UBE2E2: variants seen among roughly 807,000 people sequenced by gnomAD.
UBE2E2 encodes the protein ubiquitin-conjugating enzyme E2 E2.
Under a neutral mutation model 24.7 loss-of-function variants are expected in UBE2E2, and 6 were observed. The ratio of observed to expected loss-of-function variants is 0.24; its 90% CI spans 0.13 to 0.48. The LOEUF (loss-of-function observed/expected upper bound fraction) is 0.48. Among genes scored for constraint, UBE2E2 ranks in the 20% least tolerant of loss-of-function variants. The pLI is 0.99. For synonymous variants in UBE2E2, 104 were observed against 83.6 expected, an observed-to-expected ratio of 1.24 and a Z score of -1.33; for missense variants, 169 against 245.0, an observed-to-expected ratio of 0.69 and a Z score of 2.07.
chr3:23,457,311 C>T (rs533834091), intron 3 of UBE2E2, among the ~76,000 whole-genome samples: 2 of 152,248 alleles, frequency 1.3e-5, no homozygotes, highest in African/African-American at 4.8e-5. Context: ...AAGCTTCTTC[C>T]TGGAAGTTTT....
rs550294095 is a variant in UBE2E2, at chr3:23,326,780, C to T, written c.227+109468C>T. ...TGTTGGTGCGCTGCACCCATTAACT[C>T]GTCATTTACATTAGGTATATCTCCT... is the stretch of plus-strand genomic sequence containing the variant. On this transcript the variant is annotated intron_variant, in intron 3 of 5. Transcript: ENST00000396703. Among the ~76,000 whole-genome samples, 30 of 152,310 alleles carry T rather than the reference C, an allele frequency of 2.0e-4. No homozygotes were observed. The South Asian group carries it at 6.2e-3, about 32-fold the overall frequency.
chr3:23,540,994 TTAAAA>T (rs1695385105), intron 5 of UBE2E2, among the ~76,000 whole-genome samples: 1 of 152,224 alleles, frequency 6.6e-6, no homozygotes, highest in Admixed American at 6.5e-5. Flanking sequence ...ATATTTGAAA[TTAAAA>T]TAATGCATTG....
intron 3 of UBE2E2, among the ~76,000 whole-genome samples, chr3:23,290,494 A>G (rs1356803647): frequency 6.6e-6 from 1 of 151,530 alleles, no homozygotes; most frequent in African/African-American, 2.4e-5. Flanking sequence ...TTTAATTTTT[A>G]TTTTTTTGAA....
At chr3:23,396,527 A>C (rs1357526299) in intron 3 of UBE2E2, among the ~76,000 whole-genome samples, 1 of 151,958 alleles carries the variant, frequency 6.6e-6, no homozygotes, top group African/African-American at 2.4e-5. Flanking sequence ...AAACCCCCTG[A>C]GGTCTCATGA....
intron 3 of UBE2E2, among the ~76,000 whole-genome samples, chr3:23,349,381 A>G (rs1344768537): frequency 6.6e-6 from 1 of 152,204 alleles, no homozygotes; most frequent in African/African-American, 2.4e-5. Flanking sequence ...GACAGTGGGC[A>G]CAGGACAGTG....
intron 5 of UBE2E2, 129 bp downstream of exon 5, chr3:23,532,830 A>G: frequency 1.1e-6 from 1 of 881,818 alleles, no homozygotes; most frequent in Non-Finnish European, 1.6e-6. Context: ...TTAAATTTTC[A>G]TAGTATGTAA....
chr3:23,270,390 A>C (rs1389287463), intron 3 of UBE2E2, among the ~76,000 whole-genome samples: 1 of 151,488 alleles, frequency 6.6e-6, no homozygotes, highest in African/African-American at 2.4e-5. Flanking sequence ...CCGTTCCTGC[A>C]CTCTTTTGTA....
At chr3:23,533,718 A>G (rs1403776313) in intron 5 of UBE2E2, among the ~76,000 whole-genome samples, 1 of 139,604 alleles carries the variant, frequency 7.2e-6, no homozygotes, top group African/African-American at 2.8e-5. Context: ...CGCCTCCTGG[A>G]TTCAAGCGAT....
chr3:23,493,843 A>C (rs925416122), intron 3 of UBE2E2, among the ~76,000 whole-genome samples: 9 of 152,204 alleles, frequency 5.9e-5, no homozygotes, highest in Non-Finnish European at 8.8e-5. Context: ...CAAAGCAGTC[A>C]ACCTCTTTGA....
chr3:23,350,402 T>G (rs574691244), intron 3 of UBE2E2, among the ~76,000 whole-genome samples: 1 of 152,186 alleles, frequency 6.6e-6, no homozygotes, highest in Admixed American at 6.5e-5. Context: ...CTTTGATGAG[T>G]TGAGAGAAGA....
intron 3 of UBE2E2, among the ~76,000 whole-genome samples, chr3:23,403,351 CTTGTG>C (rs1697276676): frequency 1.3e-5 from 2 of 152,302 alleles, no homozygotes; most frequent in Admixed American, 1.3e-4. Context: ...AAAATCAAAC[CTTGTG>C]TTGTGTTTAG....
chr3:23,222,493 T>C (rs1696682063), intron 3 of UBE2E2, among the ~76,000 whole-genome samples: 1 of 152,148 alleles, frequency 6.6e-6, no homozygotes, highest in Admixed American at 6.5e-5. Flanking sequence ...ACTGTTCTTG[T>C]GGTAATGAAT....
chr3:23,444,726 A>G (rs138459912), intron 3 of UBE2E2, among the ~76,000 whole-genome samples: 23 of 152,228 alleles, frequency 1.5e-4, no homozygotes, highest in East Asian at 1.4e-3. Flanking sequence ...CTGCCTACCT[A>G]TTGGGCCAGC....
chr3:23,314,587 C>A (rs989629588), intron 3 of UBE2E2, among the ~76,000 whole-genome samples: 13 of 152,230 alleles, frequency 8.5e-5, no homozygotes, highest in African/African-American at 2.9e-4. Context: ...CTCATTAATA[C>A]CCTTTTCTTT....
At chr3:23,361,053 A>G (rs1226806079) in intron 3 of UBE2E2, among the ~76,000 whole-genome samples, 1 of 152,202 alleles carries the variant, frequency 6.6e-6, no homozygotes, top group African/African-American at 2.4e-5. Flanking sequence ...AAGATATACA[A>G]ACAGCCAACA....
At chr3:23,450,667 T>C (rs1000932975) in intron 3 of UBE2E2, among the ~76,000 whole-genome samples, 1 of 152,182 alleles carries the variant, frequency 6.6e-6, no homozygotes, top group Non-Finnish European at 1.5e-5. Flanking sequence ...AATTTTAAAA[T>C]TATGAAGTAT....
intron 3 of UBE2E2, among the ~76,000 whole-genome samples, chr3:23,276,885 T>C (rs1698385051): frequency 6.6e-6 from 1 of 152,256 alleles, no homozygotes; most frequent in East Asian, 1.9e-4. Flanking sequence ...GTATTAATAT[T>C]TTAGCAGAAT....
chr3:23,589,622 G>A lies in UBE2E2; in HGVS notation c.509-112G>A, dbSNP rs570671185. 1 of 1,082,762 alleles carries A rather than the reference G, an allele frequency of 9.2e-7. No homozygotes were observed. Among genetic ancestry groups the A allele is most frequent in the African/African-American group, 1.5e-5 (1 of 64,642 alleles). The allele number at this position is 1,082,762 out of a possible 1,614,324, so 67.1% of individuals were successfully genotyped here. Reference sequence around the variant, plus strand: ...CTCAGCCGCAGCAATGGTGGTCCAGGTTAGAACAGCAGCTTCTCATCTCCT... The same window carrying A: ...CTCAGCCGCAGCAATGGTGGTCCAGATTAGAACAGCAGCTTCTCATCTCCT... On this transcript the variant is annotated intron_variant, in intron 5 of 5. Coordinates refer to ENST00000396703, the MANE Select transcript of UBE2E2 (RefSeq NM_152653.4). This position sits in a 1 kb window ranked among gnomAD's most constrained non-coding sequence, Gnocchi z 4.1.
chr3:23,582,401 T>G (rs1255685894), intron 5 of UBE2E2, among the ~76,000 whole-genome samples: 1 of 152,222 alleles, frequency 6.6e-6, no homozygotes, highest in Non-Finnish European at 1.5e-5. Flanking sequence ...ATAGAAATAT[T>G]CCTTTGGATA....
Sources: gnomAD v4.1 joint callset for allele counts (sites outside exome capture counted in the v4.1 genomes callset) on GRCh38, gnomAD v4.1.1 for gene constraint, Gnocchi (gnomAD v3.1) non-coding constraint, MANE v1.5 for transcripts, NCBI Gene and HGNC (gene_info 2026-07-23, HGNC 2026-07-21) for gene names.